The following ZFP91 variants were observed in gnomAD, a reference collection of about 807,000 sequenced individuals.
The protein encoded by ZFP91 is E3 ubiquitin-protein ligase ZFP91.
In ZFP91, 7 loss-of-function variants were observed where a neutral mutation model predicts 63.5. The ratio of observed to expected loss-of-function variants is 0.11; its 90% CI spans 0.06 to 0.21. The LOEUF is 0.21. Among genes scored for constraint, ZFP91 ranks in the 10% least tolerant of loss-of-function variants. The probability of loss-of-function intolerance (pLI) is 1.00; values close to 1 mark genes in which losing one functional copy is unlikely to be tolerated. For missense variants in ZFP91, 628 were observed against 736.6 expected, an observed-to-expected ratio of 0.85 and a Z score of 1.71; for synonymous variants, 330 against 272.1, an observed-to-expected ratio of 1.21 and a Z score of -2.10.
chr11:58,579,388 C>A lies in ZFP91; in HGVS notation c.107C>A (p.Ala36Glu). ...PEEPQQRPPE[A>E]VAAAPAGTTS... is the part of the protein sequence containing the mutation. ...GAGCCCCAACAACGGCCCCCTGAGG[C>A]GGTCGCGGCGGCGCCTGCAGGGACC... The change falls in exon 1 of 11, where the codon GCG (alanine) becomes GAG (glutamate). Residue 36 changes from alanine (A) to glutamate (E), a missense_variant. Transcript: ENST00000316059. The A allele has an allele frequency of 6.8e-7, 1 of 1,475,366 alleles. No individual in the cohort carries two copies. Among genetic ancestry groups the A allele is most frequent in the South Asian group, 1.3e-5 (1 of 76,936 alleles). 91.4% of individuals were successfully genotyped at this position (1,475,366 alleles called of 1,614,324 possible). A position where few individuals can be genotyped will look rare whatever the true frequency, so the allele number is the denominator to read the frequency against.
intron 2 of ZFP91, among the ~76,000 whole-genome samples, chr11:58,592,627 CTCATAGAAATGTAG>C (rs1187574590): frequency 6.6e-6 from 1 of 152,028 alleles, no homozygotes; most frequent in East Asian, 1.9e-4. Context: ...AAATAACTGT[CTCATAGAAATGTAG>C]TTACCGAACG....
In ZFP91 at chr11:58,612,298, A is replaced by G; in HGVS notation, c.878A>G (p.Asp293Gly). The change falls in exon 7 of 11, where the codon GAT (aspartate) becomes GGT (glycine). Residue 293 changes from aspartate to glycine, a missense_variant. Coordinates refer to ENST00000316059, the MANE Select transcript of ZFP91 (RefSeq NM_053023.5). Reference sequence around the variant, plus strand: ...TACAGGAGAGGAAGAAGACGAAAAGATGACAAAAGTCCACGTTTACCCAAA... The same window carrying G: ...TACAGGAGAGGAAGAAGACGAAAAGGTGACAAAAGTCCACGTTTACCCAAA... ...PPRKRGRRRK[D>G]DKSPRLPKRR... is the part of the protein sequence containing the mutation. 6 of 1,613,784 alleles carry G rather than the reference A, an allele frequency of 3.7e-6. No individual in the cohort carries two copies. Among genetic ancestry groups the G allele is most frequent in the Non-Finnish European group, 5.1e-6 (6 of 1,179,772 alleles).
At chr11:58,600,364 C>A (rs1203726666) in intron 2 of ZFP91, among the ~76,000 whole-genome samples, 4 of 151,664 alleles carry the variant, frequency 2.6e-5, no homozygotes, top group Admixed American at 1.3e-4. Context: ...CCTTTTTGTT[C>A]ATTGCTAATA....
chr11:58,616,028 C>T lies in ZFP91; in HGVS notation c.1103-688C>T, dbSNP rs543784537. Among the ~76,000 whole-genome samples, 428 of 152,270 alleles carry T rather than the reference C, an allele frequency of 2.8e-3. 4 individuals carry two copies. The highest frequency in any genetic ancestry group is 9.8e-3 in the African/African-American group (409 of 41,552). Reference sequence around the variant, plus strand: ...TTTTTCCTCCTCATAGATTCCACACCGTGTTACCACATTCATCAGAAATCC... The same window carrying T: ...TTTTTCCTCCTCATAGATTCCACACTGTGTTACCACATTCATCAGAAATCC... On this transcript the variant is annotated intron_variant, in intron 9 of 10. Transcript: ENST00000316059.
At chr11:58,579,665 TCCGTAC>T in intron 1 of ZFP91, 43 bp downstream of exon 1, 1 of 1,488,502 alleles carries the variant, frequency 6.7e-7, no homozygotes, top group Non-Finnish European at 8.9e-7. Flanking sequence ...CCCCCCTCTG[TCCGTAC>T]GCAACCCTCT....
rs551921043 is a variant in ZFP91, at chr11:58,579,532, C to T, written c.251C>T (p.Pro84Leu). The T allele has an allele frequency of 2.9e-5, 46 of 1,576,038 alleles. No individual in the cohort carries two copies. The African/African-American group carries it at 5.8e-4, about 20-fold the overall frequency. ...AEYPRRRRSS[P>L]SARPPDVPGQ... ...TATCCCCGCCGGCGGAGGAGCAGCC[C>T]CAGCGCCAGGCCTCCCGACGTCCCC... is the stretch of plus-strand genomic sequence containing the variant. Residue 84 changes from proline (P) to leucine (L), a missense_variant, in exon 1 of 11, where the codon CCC (proline) becomes CTC (leucine). This residue lies in a region of ZFP91 where 437 missense variants were observed against 380.3 expected (regional missense o/e 1.15). Coordinates refer to ENST00000316059, the MANE Select transcript of ZFP91 (RefSeq NM_053023.5).
At chr11:58,590,441 T>G (rs1855284783) in intron 2 of ZFP91, among the ~76,000 whole-genome samples, 1 of 152,202 alleles carries the variant, frequency 6.6e-6, no homozygotes, top group Non-Finnish European at 1.5e-5. Flanking sequence ...TTGTTTTATA[T>G]TATGGTGGTT....
intron 9 of ZFP91, among the ~76,000 whole-genome samples, chr11:58,614,796 T>C (rs1855724130): frequency 1.3e-5 from 2 of 152,178 alleles, no homozygotes; most frequent in Admixed American, 6.5e-5. Context: ...GTCTAGCTGT[T>C]GAATTTGCAT....
In ZFP91 at chr11:58,603,172, A is replaced by G. The variant is rs543950901; in HGVS notation, c.371-6658A>G. On this transcript the variant is annotated intron_variant, in intron 2 of 10. Transcript: ENST00000316059. Reference sequence around the variant, plus strand: ...ATTGTGTTCTATCATTGGGTAAGCAATGAACTTGGATATTTATCTGAGTAG... The same window carrying G: ...ATTGTGTTCTATCATTGGGTAAGCAGTGAACTTGGATATTTATCTGAGTAG... Among the ~76,000 whole-genome samples the G allele has an allele frequency of 4.6e-5, 7 of 152,366 alleles. No individual in the cohort carries two copies. The South Asian group carries it at 8.3e-4, about 18-fold the overall frequency.
At chr11:58,591,391 T>C (rs1855303245) in intron 2 of ZFP91, among the ~76,000 whole-genome samples, 1 of 152,242 alleles carries the variant, frequency 6.6e-6, no homozygotes, top group African/African-American at 2.4e-5. Flanking sequence ...TTTTCAGTTA[T>C]TAGTCTTTAT....
At chr11:58,599,946 T>G (rs1409979966) in intron 2 of ZFP91, among the ~76,000 whole-genome samples, 2 of 152,122 alleles carry the variant, frequency 1.3e-5, no homozygotes, top group African/African-American at 4.8e-5. Context: ...AGAGACTGTT[T>G]TCACCTACTG....
intron 1 of ZFP91, among the ~76,000 whole-genome samples, chr11:58,583,735 T>A (rs1232678146): frequency 3.3e-5 from 5 of 152,106 alleles, no homozygotes; most frequent in African/African-American, 7.2e-5. Flanking sequence ...GGTAATGTGA[T>A]TTAAAATAAA....
Position 58,617,098 on chromosome 11 carries a change from G to GTGTGTGTA in ZFP91, c.1203-97_1203-96insGTGTGTAT. ...TGTGTGTGTGTGTGTGTGTGTGTGT[G>GTGTGTGTA]TATGTATATATATGCTCTAAACTCT... On this transcript the variant is annotated intron_variant, in intron 10 of 10. Coordinates refer to ENST00000316059, the MANE Select transcript of ZFP91 (RefSeq NM_053023.5). This position sits in a 1 kb window ranked among gnomAD's most constrained non-coding sequence, Gnocchi z 4.2. The GTGTGTGTA allele has an allele frequency of 1.0e-6, 1 of 987,402 alleles. No individual in the cohort carries two copies. Among genetic ancestry groups the GTGTGTGTA allele is most frequent in the Non-Finnish European group, 1.5e-6 (1 of 678,642 alleles). The allele number at this position is 987,402 out of a possible 1,614,324, so 61.2% of individuals were successfully genotyped here. A position where few individuals can be genotyped will look rare whatever the true frequency, so the allele number is the denominator to read the frequency against.
intron 2 of ZFP91, among the ~76,000 whole-genome samples, chr11:58,593,851 C>T (rs559187324): frequency 6.6e-6 from 1 of 152,300 alleles, no homozygotes; most frequent in East Asian, 1.9e-4. Context: ...TCTAGAATCC[C>T]AAATCCTTGG....
intron 2 of ZFP91, among the ~76,000 whole-genome samples, chr11:58,601,722 T>A (rs963192611): frequency 6.6e-6 from 1 of 152,158 alleles, no homozygotes; most frequent in East Asian, 1.9e-4. Context: ...TTTTCAGTCA[T>A]CTCTAAGTAT....
At chr11:58,615,809 G>A (rs1430874225) in intron 9 of ZFP91, among the ~76,000 whole-genome samples, 3 of 152,136 alleles carry the variant, frequency 2.0e-5, no homozygotes, top group African/African-American at 7.2e-5. Context: ...TGTTTGGAAA[G>A]GAGTATAAGA....
Position 58,617,573 on chromosome 11 carries a change from G to A in ZFP91, c.1580G>A (p.Ser527Asn). 1.9e-6 allele frequency: 3 copies of A among 1,611,368 alleles called. No individual in the cohort carries two copies. The highest frequency in any genetic ancestry group is 2.5e-6 in the Non-Finnish European group (3 of 1,178,962). ...KSYCSGTERV[S>N]LMADGKIFVG... Reference sequence around the variant, plus strand: ...TACTGCAGTGGGACGGAACGGGTGAGCCTGATGGCTGATGGGAAGATCTTT... The same window carrying A: ...TACTGCAGTGGGACGGAACGGGTGAACCTGATGGCTGATGGGAAGATCTTT... The change falls in exon 11 of 11, where the codon AGC becomes AAC. Residue 527 changes from serine (S) to asparagine (N), a missense_variant. By Grantham distance (46) the Ser-to-Asn change is conservative (BLOSUM62 1). Coordinates refer to ENST00000316059, the MANE Select transcript of ZFP91 (RefSeq NM_053023.5). The surrounding 1 kb of genome is among the most constrained non-coding windows in gnomAD (Gnocchi z 4.2).
chr11:58,596,973 A>T (rs1199626999), intron 2 of ZFP91, among the ~76,000 whole-genome samples: 2 of 152,096 alleles, frequency 1.3e-5, no homozygotes, highest in Non-Finnish European at 2.9e-5. Context: ...TGGGAAGGTG[A>T]ATTAGAGACA....
chr11:58,579,692 A>G (rs1400009156), intron 1 of ZFP91, 70 bp downstream of exon 1: 1 of 1,376,742 alleles, frequency 7.3e-7, no homozygotes, highest in African/African-American at 1.5e-5. Flanking sequence ...CGGCTCCCGT[A>G]GCGCCTACTC....
Sources: allele counts gnomAD v4.1 joint callset (sites outside exome capture counted in the v4.1 genomes callset), GRCh38; gene constraint gnomAD v4.1.1; regional missense constraint gnomAD v4.1.1; non-coding constraint Gnocchi (gnomAD v3.1); transcripts MANE v1.5; gene names NCBI Gene and HGNC (gene_info 2026-07-23, HGNC 2026-07-21).